The following STARD13 variants were observed in gnomAD, a reference collection of about 807,000 sequenced individuals.
STARD13 encodes the protein StAR related lipid transfer domain containing 13.
A neutral mutation model predicts 106.4 loss-of-function variants in STARD13; 62 were observed. The ratio of observed to expected loss-of-function variants is 0.58; its 90% CI spans 0.48 to 0.72. STARD13 has a LOEUF of 0.72. STARD13 is among the 30% of genes least tolerant of loss of function. STARD13 has a pLI of 0.00. For missense variants in STARD13, 1,387 were observed against 1,424.0 expected (o/e 0.97, Z 0.42); for synonymous variants, 565 against 553.0 (o/e 1.02, Z -0.31).
At chr13:33,202,160 C>G (rs1423006469) in intron 1 of STARD13, among the ~76,000 whole-genome samples, 1 of 152,158 alleles carries the variant, frequency 6.6e-6, no homozygotes, top group Non-Finnish European at 1.5e-5. Context: ...TATGCCAAGG[C>G]TCTCTCAGAA....
chr13:33,676,082 T>C, the STARD13 span, among the ~76,000 whole-genome samples: 2 of 152,222 alleles, frequency 1.3e-5, no homozygotes, highest in Non-Finnish European at 2.9e-5. Context: ...ATAATTACTT[T>C]CAACTTTCCA....
chr13:33,527,985 A>G, the STARD13 span, among the ~76,000 whole-genome samples: 1 of 151,142 alleles, frequency 6.6e-6, no homozygotes, highest in African/African-American at 2.4e-5. Context: ...GGTCCCAAAT[A>G]TAAATGAAAT....
the STARD13 span, among the ~76,000 whole-genome samples, chr13:33,638,787 C>G: frequency 6.6e-6 from 1 of 152,260 alleles, no homozygotes; most frequent in South Asian, 2.1e-4. Flanking sequence ...TTGGAATGCC[C>G]TTGGCTGAGG....
At chr13:33,420,559 A>T in the STARD13 span, among the ~76,000 whole-genome samples, 3 of 152,228 alleles carry the variant, frequency 2.0e-5, no homozygotes, top group Non-Finnish European at 2.9e-5. Context: ...ACAGAAGGTT[A>T]ACAAAGATAT....
the STARD13 span, among the ~76,000 whole-genome samples, chr13:33,528,148 T>C: frequency 1.9e-4 from 27 of 145,632 alleles, no homozygotes; most frequent in Admixed American, 6.8e-5. Context: ...CATATCAAAG[T>C]TTTCCCCAGC....
At chr13:33,160,971 T>C (rs931287046) in intron 3 of STARD13, among the ~76,000 whole-genome samples, 1 of 152,222 alleles carries the variant, frequency 6.6e-6, no homozygotes, top group South Asian at 2.1e-4. Flanking sequence ...TGAATATGAA[T>C]GTTTAGAGTG....
Position 33,129,390 on chromosome 13 carries a change from A to G in STARD13, c.1287T>C (p.Gly429=). The change falls in exon 5 of 14, where the codon GGT becomes GGC. Residue 429 remains glycine (G), a synonymous_variant. Transcript: ENST00000336934. ...CCTGCTCTCTGCCCAGGGAGATGCT[A>G]CCGGTCCTCCAATTAACCCCATTGC... The part of the protein sequence containing the change: ...DSSNGVNWRT[G]SISLGREQVP... 6.2e-7 allele frequency: 1 copy of G among 1,614,166 alleles called. No individual in the cohort carries two copies.
chr13:33,339,076 C>T (rs1202064679), intron 1 of STARD13, among the ~76,000 whole-genome samples: 1 of 152,052 alleles, frequency 6.6e-6, no homozygotes. Flanking sequence ...TATTATGGGC[C>T]AGACACTGTG....
intron 3 of STARD13, 35 bp from the exon 4 acceptor site, chr13:33,142,408 C>T (rs950614250): frequency 6.4e-7 from 1 of 1,555,610 alleles, no homozygotes; most frequent in African/African-American, 1.4e-5. Context: ...ATTACTTTCA[C>T]TAATGAATTT....
chr13:33,125,754 A>G (rs1271767333), intron 7 of STARD13, among the ~76,000 whole-genome samples: 2 of 152,216 alleles, frequency 1.3e-5, no homozygotes, highest in Admixed American at 6.5e-5. Context: ...TGGCACTGAA[A>G]TAATAGTTAC....
At chr13:33,159,994 T>C (rs925796083) in intron 3 of STARD13, among the ~76,000 whole-genome samples, 3 of 152,154 alleles carry the variant, frequency 2.0e-5, no homozygotes, top group African/African-American at 7.2e-5. Flanking sequence ...TTGTAAAATG[T>C]ATATGGAAAG....
intron 5 of STARD13, among the ~76,000 whole-genome samples, chr13:33,128,140 G>T (rs113821574): frequency 2.1e-3 from 320 of 151,878 alleles, no homozygotes; most frequent in Non-Finnish European, 3.8e-3. Context: ...ATAGACAGAG[G>T]ACAGACAGAG....
intron 1 of STARD13, among the ~76,000 whole-genome samples, chr13:33,189,388 CAGAGAGTCCCTTCCCT>C (rs1886040093): frequency 7.6e-6 from 1 of 131,056 alleles, no homozygotes; most frequent in African/African-American, 2.8e-5. Context: ...AACGACAAAC[CAGAGAGTCCCTTCCCT>C]TTCCTCCTGC....
At chr13:33,168,590 T>C (rs1883591834) in intron 1 of STARD13, among the ~76,000 whole-genome samples, 1 of 152,232 alleles carries the variant, frequency 6.6e-6, no homozygotes, top group Admixed American at 6.5e-5. Context: ...CACAAGTCTT[T>C]ACCAAGGCCC....
chr13:33,164,174 A>G (rs907920146), intron 3 of STARD13: 1 of 152,112 alleles, frequency 6.6e-6, no homozygotes, highest in East Asian at 1.9e-4. Context: ...CCATAGTATT[A>G]TTTTCTTGAA....
the STARD13 span, among the ~76,000 whole-genome samples, chr13:33,426,468 C>T: frequency 6.6e-6 from 1 of 152,140 alleles, no homozygotes; most frequent in Non-Finnish European, 1.5e-5. Flanking sequence ...TCTAATTCCC[C>T]CTTACCTCCA....
the STARD13 span, among the ~76,000 whole-genome samples, chr13:33,447,874 C>T: frequency 6.6e-6 from 1 of 151,894 alleles, no homozygotes; most frequent in Non-Finnish European, 1.5e-5. Flanking sequence ...TATATAAACA[C>T]CATTAGAAAG....
chr13:33,483,445 T>C, the STARD13 span, among the ~76,000 whole-genome samples: 1 of 152,182 alleles, frequency 6.6e-6, no homozygotes, highest in African/African-American at 2.4e-5. Context: ...TTGGCCCAAT[T>C]TCCACATAGA....
the STARD13 span, among the ~76,000 whole-genome samples, chr13:33,455,782 A>G: frequency 2.6e-5 from 4 of 151,928 alleles, no homozygotes; most frequent in South Asian, 8.3e-4. Flanking sequence ...AACAACAACA[A>G]CAACAACAAA....
Sources: allele counts gnomAD v4.1 joint callset (sites outside exome capture counted in the v4.1 genomes callset), GRCh38; gene constraint gnomAD v4.1.1; transcripts MANE v1.5; gene names NCBI Gene and HGNC (gene_info 2026-07-23, HGNC 2026-07-21).